The following PPP1R2 variants were observed in gnomAD, a reference collection of about 807,000 sequenced individuals.
PPP1R2 encodes protein phosphatase inhibitor 2.
A neutral mutation model predicts 29.9 loss-of-function variants in PPP1R2; 16 were observed. That is an observed-to-expected ratio of 0.53 (90% CI 0.36 to 0.81). The LOEUF is 0.81. Ranked by LOEUF, PPP1R2 falls within the 30% of genes least tolerant of loss-of-function variation. The pLI, the probability that PPP1R2 is intolerant of heterozygous loss-of-function variation, is 0.00. For synonymous variants in PPP1R2, 76 were observed against 91.5 expected (o/e 0.83, Z 0.96); for missense variants, 197 against 252.7 (o/e 0.78, Z 1.49).
chr3:195,541,441 T>G (rs1207746926), intron 1 of PPP1R2, among the ~76,000 whole-genome samples: 1 of 147,012 alleles, frequency 6.8e-6, no homozygotes, highest in Non-Finnish European at 1.5e-5. Flanking sequence ...TTTTAATTCC[T>G]TTTCTTTTCT....
intron 2 of PPP1R2, among the ~76,000 whole-genome samples, chr3:195,525,482 A>C (rs1205327530): frequency 3.3e-5 from 5 of 152,188 alleles, no homozygotes; most frequent in Admixed American, 3.3e-4. Context: ...CTGGAAAAAA[A>C]AATACTACAA....
intron 4 of PPP1R2, among the ~76,000 whole-genome samples, chr3:195,521,940 C>G (rs1025616940): frequency 5.9e-5 from 9 of 152,260 alleles, no homozygotes; most frequent in Admixed American, 6.5e-5. Flanking sequence ...CATAAGCCAC[C>G]AAACCCGGCC....
chr3:195,537,666 A>G (rs1028759448), intron 1 of PPP1R2, among the ~76,000 whole-genome samples: 1 of 151,362 alleles, frequency 6.6e-6, no homozygotes, highest in Non-Finnish European at 1.5e-5. Flanking sequence ...CACATTTTAT[A>G]TAACTTCAAT....
intron 4 of PPP1R2, 181 bp from the exon 5 acceptor site, chr3:195,519,366 T>C: frequency 2.2e-6 from 1 of 459,464 alleles, no homozygotes; most frequent in African/African-American, 2.0e-5. Flanking sequence ...CCCTGCAAAA[T>C]TTAAAATATT....
At chr3:195,533,227 C>G (rs1719252945) in intron 1 of PPP1R2, among the ~76,000 whole-genome samples, 1 of 151,976 alleles carries the variant, frequency 6.6e-6, no homozygotes, top group African/African-American at 2.4e-5. Flanking sequence ...CGCTTGTAGT[C>G]CTAGCTACTC....
chr3:195,535,756 A>G (rs1719355433), intron 1 of PPP1R2, among the ~76,000 whole-genome samples: 1 of 152,260 alleles, frequency 6.6e-6, no homozygotes, highest in Non-Finnish European at 1.5e-5. Context: ...TTATTTTACA[A>G]CATGGACGCT....
At chr3:195,534,246 C>T (rs1719290710) in intron 1 of PPP1R2, among the ~76,000 whole-genome samples, 1 of 152,100 alleles carries the variant, frequency 6.6e-6, no homozygotes, top group Admixed American at 6.6e-5. Context: ...ATCACCTGAG[C>T]CCAGGAGGTC....
At chr3:195,537,520 T>TGTGTGTGTGTGTG (rs1719441468) in intron 1 of PPP1R2, among the ~76,000 whole-genome samples, 13 of 151,120 alleles carry the variant, frequency 8.6e-5, no homozygotes, top group East Asian at 5.9e-4. Context: ...TGTGTGTGTG[T>TGTGTGTGTGTGTG]TTCCATTTCA....
At position 195,519,084 on chromosome 3, in the gene PPP1R2, C is replaced by G. The variant is rs1718659718; in HGVS notation, c.505G>C (p.Asp169His). Residue 169 changes from aspartate (D) to histidine (H), a missense_variant, in exon 5 of 6, where the codon GAT becomes CAT. By Grantham distance (81) the Asp-to-His change is moderately conservative. This residue lies in a region of PPP1R2 where 135 missense variants were observed against 163.0 expected (regional missense o/e 0.83). Transcript: ENST00000618156. ...GTCTCTAACATTTCTTCATCTTCAT[C>G]ATCATCATGTAGGTCTTTTGAAATT... ...QLISKDLHDD[D>H]EDEEMLETAD... is the part of the protein sequence containing the mutation. The G allele has an allele frequency of 4.4e-6, 7 of 1,609,046 alleles. No individual in the cohort carries two copies. Among genetic ancestry groups the G allele is most frequent in the Non-Finnish European group, 6.0e-6 (7 of 1,175,738 alleles).
chr3:195,525,768 T>C (rs1036705672), intron 2 of PPP1R2, among the ~76,000 whole-genome samples: 2 of 152,170 alleles, frequency 1.3e-5, no homozygotes, highest in African/African-American at 4.8e-5. Flanking sequence ...GCAAAGTATA[T>C]AAAGCAGAAC....
chr3:195,530,724 C>T (rs1397059061), intron 1 of PPP1R2, among the ~76,000 whole-genome samples: 1 of 152,142 alleles, frequency 6.6e-6, no homozygotes, highest in African/African-American at 2.4e-5. Context: ...CAGGGTTTCA[C>T]CATGTTGGCC....
At chr3:195,526,103 A>AATTT (rs1460162472) in intron 2 of PPP1R2, among the ~76,000 whole-genome samples, 1 of 145,998 alleles carries the variant, frequency 6.8e-6, no homozygotes, top group Non-Finnish European at 1.5e-5. Context: ...CTTAAATAAA[A>AATTT]TTTTTTTTTT....
chr3:195,528,123 T>C (rs1204810592), intron 2 of PPP1R2, among the ~76,000 whole-genome samples: 1 of 152,170 alleles, frequency 6.6e-6, no homozygotes, highest in East Asian at 1.9e-4. Context: ...GCACCCAATG[T>C]GTAGTCTTTT....
At chr3:195,540,410 G>A (rs1719551153) in intron 1 of PPP1R2, among the ~76,000 whole-genome samples, 1 of 152,194 alleles carries the variant, frequency 6.6e-6, no homozygotes, top group African/African-American at 2.4e-5. Flanking sequence ...GGCTGAATTT[G>A]TGGAGGGGGC....
intron 1 of PPP1R2, among the ~76,000 whole-genome samples, chr3:195,534,677 C>T (rs1421710102): frequency 6.6e-6 from 1 of 152,050 alleles, no homozygotes; most frequent in Non-Finnish European, 1.5e-5. Flanking sequence ...AAGGAAGTAC[C>T]TTGCCAATAC....
At chr3:195,541,531 A>G (rs991554873) in intron 1 of PPP1R2, among the ~76,000 whole-genome samples, 17 of 148,782 alleles carry the variant, frequency 1.1e-4, no homozygotes, top group Non-Finnish European at 2.4e-4. Flanking sequence ...TCCTGGGATC[A>G]AGCAATCCTC....
intron 2 of PPP1R2, among the ~76,000 whole-genome samples, chr3:195,525,496 T>C (rs1718928942): frequency 6.6e-6 from 1 of 152,178 alleles, no homozygotes; most frequent in African/African-American, 2.4e-5. Flanking sequence ...ACTACAAAGT[T>C]CCAATTATTC....
intron 1 of PPP1R2, among the ~76,000 whole-genome samples, chr3:195,541,501 T>C (rs1159372532): frequency 1.4e-5 from 2 of 142,894 alleles, no homozygotes; most frequent in African/African-American, 5.2e-5. Context: ...CTCATTATGT[T>C]GCCCAGGCTG....
At chr3:195,520,808 C>G (rs774584920) in intron 4 of PPP1R2, among the ~76,000 whole-genome samples, 5 of 152,066 alleles carry the variant, frequency 3.3e-5, no homozygotes, top group Non-Finnish European at 7.4e-5. Flanking sequence ...TGCGTGCCAC[C>G]ACACCTGGCC....
Sources: gnomAD v4.1 joint callset for allele counts (sites outside exome capture counted in the v4.1 genomes callset) on GRCh38, gnomAD v4.1.1 for gene constraint, gnomAD v4.1.1 regional missense constraint, MANE v1.5 for transcripts, NCBI Gene and HGNC (gene_info 2026-07-23, HGNC 2026-07-21) for gene names.